The following ATG5 variants were observed in gnomAD, a reference collection of about 807,000 sequenced individuals.
ATG5 encodes the protein autophagy related 5.
Under a neutral mutation model 36.5 loss-of-function variants are expected in ATG5, and 14 were observed. The ratio of observed to expected loss-of-function variants is 0.38; its 90% CI spans 0.25 to 0.60. The LOEUF (loss-of-function observed/expected upper bound fraction) is 0.60, where lower values mean the gene tolerates loss of function less well. Ranked by LOEUF, ATG5 falls within the 20% of genes least tolerant of loss-of-function variation. The pLI is 0.60. For missense variants in ATG5, 195 were observed against 326.7 expected (o/e 0.60, Z 3.11); for synonymous variants, 95 against 101.5 (o/e 0.94, Z 0.38).
intron 5 of ATG5, among the ~76,000 whole-genome samples, chr6:106,271,211 A>C (rs1260006492): frequency 1.3e-5 from 2 of 152,132 alleles, no homozygotes; most frequent in Non-Finnish European, 2.9e-5. Context: ...CAGTCACTAC[A>C]CCTAAGACAT....
At chr6:106,316,061 C>T (rs762253344) in intron 2 of ATG5, 40 bp downstream of exon 2, 15 of 1,495,660 alleles carry the variant, frequency 1.0e-5, no homozygotes, top group Non-Finnish European at 1.4e-5. Flanking sequence ...CAAAAATGGA[C>T]AAGGTTAAAT....
rs1315076983 is a variant in ATG5, at chr6:106,238,687, G to A, written c.573+9463C>T. Among the ~76,000 whole-genome samples, 5 of 152,330 alleles carry A rather than the reference G, an allele frequency of 3.3e-5. No individual in the cohort carries two copies. In the East Asian group the frequency reaches 9.6e-4, roughly 29 times the overall value. On this transcript the variant is annotated intron_variant, in intron 6 of 7. Coordinates refer to ENST00000369076, the MANE Select transcript of ATG5 (RefSeq NM_004849.4). Reference sequence around the variant, plus strand: ...CAGAGAGAAGACCAGGGAACAAAGAGACTTCGACCAAGAGCCCTGCCAGGT... The same window carrying A: ...CAGAGAGAAGACCAGGGAACAAAGAAACTTCGACCAAGAGCCCTGCCAGGT...
intron 6 of ATG5, among the ~76,000 whole-genome samples, chr6:106,207,144 CA>C (rs1358089656): frequency 2.0e-5 from 3 of 152,078 alleles, no homozygotes; most frequent in African/African-American, 7.2e-5. Flanking sequence ...GTTACTTTTT[CA>C]AATGTATGTT....
intron 2 of ATG5, among the ~76,000 whole-genome samples, chr6:106,309,566 T>C (rs1770572292): frequency 6.6e-6 from 1 of 152,180 alleles, no homozygotes; most frequent in African/African-American, 2.4e-5. Context: ...TAACTGTGAT[T>C]AGTGAAGAAA....
chr6:106,204,023 A>T (rs780391572), intron 6 of ATG5, among the ~76,000 whole-genome samples: 33 of 152,174 alleles, frequency 2.2e-4, no homozygotes, highest in Non-Finnish European at 1.0e-4. Context: ...TGGGAGCTGA[A>T]CAACGAGAAC....
intron 6 of ATG5, among the ~76,000 whole-genome samples, chr6:106,207,329 C>CTT (rs773380710): frequency 2.3e-4 from 35 of 152,144 alleles, no homozygotes; most frequent in Non-Finnish European, 2.9e-4. Context: ...AAAAACGAAA[C>CTT]TTATAAACAT....
At chr6:106,211,337 G>A (rs1311446755) in intron 6 of ATG5, among the ~76,000 whole-genome samples, 3 of 152,222 alleles carry the variant, frequency 2.0e-5, no homozygotes, top group Admixed American at 1.3e-4. Context: ...AGCCAAGCAC[G>A]GATGGAGGTG....
chr6:106,306,420 G>A (rs1312565958), intron 3 of ATG5, among the ~76,000 whole-genome samples: 1 of 152,148 alleles, frequency 6.6e-6, no homozygotes, highest in Non-Finnish European at 1.5e-5. Context: ...AACTGGGGGC[G>A]GTTCTGCCTC....
At chr6:106,256,727 G>A (rs1778813933) in intron 5 of ATG5, among the ~76,000 whole-genome samples, 2 of 152,046 alleles carry the variant, frequency 1.3e-5, no homozygotes, top group Non-Finnish European at 2.9e-5. Flanking sequence ...TTTTTAAAAG[G>A]CACCCCTGTA....
At chr6:106,229,823 AAAGT>A (rs1298573334) in intron 6 of ATG5, among the ~76,000 whole-genome samples, 1 of 152,248 alleles carries the variant, frequency 6.6e-6, no homozygotes, top group Non-Finnish European at 1.5e-5. Context: ...AAAAAGTAGA[AAAGT>A]AACTTTTAGA....
chr6:106,279,817 GA>G lies in ATG5; in HGVS notation c.321del (p.Pro108GlnfsTer22). On this transcript the variant is annotated frameshift_variant, in exon 5 of 8. Coordinates refer to ENST00000369076, the MANE Select transcript of ATG5 (RefSeq NM_004849.4). LOFTEE classifies it high-confidence loss of function. ...GGACAGTGCAGAAGGTCTTTTTCTG[GA>G]AAACTCTATCAAAGGAAAAAATATA... The part of the protein sequence containing the change: ...PWNITVHFKS[F>X]PEKDLLHCPS... 6.7e-7 allele frequency: 1 copy of G among 1,495,062 alleles called. No homozygotes were observed. Among genetic ancestry groups the G allele is most frequent in the Non-Finnish European group, 8.9e-7 (1 of 1,119,306 alleles). 92.6% of individuals were successfully genotyped at this position (1,495,062 alleles called of 1,614,324 possible). A position where few individuals can be genotyped will look rare whatever the true frequency, so the allele number is the denominator to read the frequency against.
chr6:106,271,363 G>A lies in ATG5; in HGVS notation c.478+8298C>T, dbSNP rs139348810. 2.7e-3 allele frequency among the ~76,000 whole-genome samples: 407 copies of A among 152,244 alleles called. 1 individual carries two copies. Among genetic ancestry groups the A allele is most frequent in the African/African-American group, 9.4e-3 (389 of 41,544 alleles). On this transcript the variant is annotated intron_variant, in intron 5 of 7. Coordinates refer to ENST00000369076, the MANE Select transcript of ATG5 (RefSeq NM_004849.4). ...TGGGAGCTGATTAGGTCATAAGGGC[G>A]GAGTCCTCATAAATGGAATTACTGT...
chr6:106,267,756 T>C (rs1328910065), intron 5 of ATG5, among the ~76,000 whole-genome samples: 3 of 152,184 alleles, frequency 2.0e-5, no homozygotes, highest in Non-Finnish European at 4.4e-5. Context: ...TCCTATTTAA[T>C]AAATGGTTCT....
intron 6 of ATG5, among the ~76,000 whole-genome samples, chr6:106,244,368 G>C (rs1264828321): frequency 6.6e-6 from 1 of 152,146 alleles, no homozygotes; most frequent in African/African-American, 2.4e-5. Context: ...ACAGGATACA[G>C]AGAAAACTCG....
chr6:106,192,933 C>T (rs894589520), intron 7 of ATG5, among the ~76,000 whole-genome samples: 1 of 152,280 alleles, frequency 6.6e-6, no homozygotes, highest in Non-Finnish European at 1.5e-5. Flanking sequence ...ATGTGAAGTG[C>T]ATACATCATG....
chr6:106,218,174 T>C (rs1777111212), intron 6 of ATG5, among the ~76,000 whole-genome samples: 1 of 152,196 alleles, frequency 6.6e-6, no homozygotes. Context: ...TTACAAGCTA[T>C]AATCACTGTA....
intron 6 of ATG5, among the ~76,000 whole-genome samples, chr6:106,215,323 C>T (rs1776993655): frequency 6.6e-6 from 1 of 152,184 alleles, no homozygotes; most frequent in African/African-American, 2.4e-5. Context: ...GGGCTAGGAG[C>T]TAGTGGAGCT....
chr6:106,286,132 C>T (rs1780068490), intron 4 of ATG5, among the ~76,000 whole-genome samples: 1 of 152,150 alleles, frequency 6.6e-6, no homozygotes, highest in Non-Finnish European at 1.5e-5. Flanking sequence ...AGCCAAGCAC[C>T]CAGGGAGAAC....
Position 106,251,729 on chromosome 6 carries a change from GAGAAAGAAAGAAAGAAA to G in ATG5, c.479-3502_479-3486del, listed in dbSNP as rs1249106448. Among the ~76,000 whole-genome samples the G allele has an allele frequency of 1.1e-4, 16 of 146,468 alleles. No individual in the cohort carries two copies. In the East Asian group the frequency reaches 2.8e-3, roughly 26 times the overall value. On this transcript the variant is annotated intron_variant, in intron 5 of 7. Coordinates refer to ENST00000369076, the MANE Select transcript of ATG5 (RefSeq NM_004849.4). ...AGAAAAAGAAAGAAAGAAAGAGAAA[GAGAAAGAAAGAAAGAAA>G]AGAAAGAAAGAAAAAGAAAAGAAGA...
Sources: allele counts gnomAD v4.1 joint callset (sites outside exome capture counted in the v4.1 genomes callset), GRCh38; gene constraint gnomAD v4.1.1; transcripts MANE v1.5; gene names NCBI Gene and HGNC (gene_info 2026-07-23, HGNC 2026-07-21).